The following SYNPR variants were observed in gnomAD, a reference collection of about 807,000 sequenced individuals.
SYNPR encodes synaptoporin.
Under a neutral mutation model 32.9 loss-of-function variants are expected in SYNPR, and 23 were observed. That is an observed-to-expected ratio of 0.70 (90% CI 0.50 to 0.99). The LOEUF (loss-of-function observed/expected upper bound fraction) is 0.99, where lower values mean the gene tolerates loss of function less well. Ranked by LOEUF, SYNPR falls within the 50% of genes least tolerant of loss-of-function variation. The probability of loss-of-function intolerance (pLI) is 0.00; values close to 1 mark genes in which losing one functional copy is unlikely to be tolerated. For synonymous variants in SYNPR, 146 were observed against 135.9 expected, an observed-to-expected ratio of 1.07 and a Z score of -0.52; for missense variants, 318 against 349.3, an observed-to-expected ratio of 0.91 and a Z score of 0.71.
intron 2 of SYNPR, chr3:63,442,978 A>T: frequency 1.0e-6 from 1 of 980,248 alleles, no homozygotes; most frequent in Non-Finnish European, 1.2e-6. Flanking sequence ...CTTTAAAAAA[A>T]TCTCCTAGTT....
At chr3:63,457,520 A>G (rs975631517) in intron 2 of SYNPR, among the ~76,000 whole-genome samples, 2 of 152,144 alleles carry the variant, frequency 1.3e-5, no homozygotes, top group African/African-American at 2.4e-5. Context: ...GCTGAAATAA[A>G]TTAGATCAAA....
chr3:63,253,483 C>A (rs556954077), intron 2 of SYNPR, among the ~76,000 whole-genome samples: 2 of 152,130 alleles, frequency 1.3e-5, no homozygotes, highest in African/African-American at 4.8e-5. Flanking sequence ...ATAAGCCTAA[C>A]TGATTTATAG....
chr3:63,518,515 T>A (rs1282904072), intron 3 of SYNPR, among the ~76,000 whole-genome samples: 2 of 152,056 alleles, frequency 1.3e-5, no homozygotes, highest in Non-Finnish European at 2.9e-5. Flanking sequence ...ATTAGAGTAA[T>A]TTCTCCCTTC....
chr3:63,284,753 G>T (rs187512522), intron 2 of SYNPR, among the ~76,000 whole-genome samples: 1 of 151,988 alleles, frequency 6.6e-6, no homozygotes, highest in Non-Finnish European at 1.5e-5. Flanking sequence ...GAAATGTGTC[G>T]TCATAACATA....
intron 4 of SYNPR, among the ~76,000 whole-genome samples, chr3:63,581,365 A>G (rs567745750): frequency 3.9e-4 from 38 of 97,278 alleles, no homozygotes; most frequent in African/African-American, 1.1e-3. Flanking sequence ...ACACCAAACA[A>G]AAGAAAGTTC....
intron 2 of SYNPR, among the ~76,000 whole-genome samples, chr3:63,322,330 G>A (rs1174033028): frequency 6.6e-6 from 1 of 152,052 alleles, no homozygotes; most frequent in Non-Finnish European, 1.5e-5. Flanking sequence ...TACTGTGCTA[G>A]GCACTTTACT....
At chr3:63,493,057 C>T (rs1259148177) in intron 3 of SYNPR, among the ~76,000 whole-genome samples, 1 of 152,002 alleles carries the variant, frequency 6.6e-6, no homozygotes, top group Non-Finnish European at 1.5e-5. Context: ...CCTTCTATTC[C>T]TGAAAGAAAG....
intron 2 of SYNPR, chr3:63,451,937 A>G: frequency 1.8e-6 from 1 of 566,024 alleles, no homozygotes; most frequent in Non-Finnish European, 3.1e-6. Context: ...CCCTCAGCTC[A>G]CCTCTTCACT....
rs2106913746 is a variant in SYNPR at position 63,616,412 on chromosome 3, G to A, written c.*931G>A. ...TGCAGATATAGATACCATAGTCAAG[G>A]TACCGCCTTGCTGAAGTATTTATTT... On this transcript the variant is annotated 3_prime_UTR_variant, in exon 6 of 6. Transcript: ENST00000478300. 6.6e-6 allele frequency: 1 copy of A among 152,364 alleles called. No homozygotes were observed. The highest frequency in any genetic ancestry group is 6.5e-5 in the Admixed American group (1 of 15,290). 9.4% of individuals were successfully genotyped at this position (152,364 alleles called of 1,614,324 possible).
intron 2 of SYNPR, among the ~76,000 whole-genome samples, chr3:63,419,105 T>C (rs1244756584): frequency 6.6e-6 from 1 of 152,182 alleles, no homozygotes. Context: ...AACAAACTCT[T>C]ATTTATTTGA....
intron 4 of SYNPR, among the ~76,000 whole-genome samples, chr3:63,569,176 T>C (rs1283499297): frequency 6.6e-6 from 1 of 152,200 alleles, no homozygotes; most frequent in Non-Finnish European, 1.5e-5. Flanking sequence ...ACCAATCTCT[T>C]ATTGTTGGAC....
intron 4 of SYNPR, among the ~76,000 whole-genome samples, chr3:63,583,064 G>A (rs186218060): frequency 6.6e-6 from 1 of 152,218 alleles, no homozygotes; most frequent in African/African-American, 2.4e-5. Context: ...GGTAGGCAGT[G>A]GAAAGTTACA....
chr3:63,272,111 C>T (rs1314643049), intron 3 of SYNPR, among the ~76,000 whole-genome samples: 2 of 152,146 alleles, frequency 1.3e-5, no homozygotes, highest in Non-Finnish European at 2.9e-5. Flanking sequence ...AGACCATCTC[C>T]TTTCCATTGC....
At chr3:63,556,775 G>C in intron 4 of SYNPR, 34 bp downstream of exon 4, 1 of 1,561,138 alleles carries the variant, frequency 6.4e-7, no homozygotes. Context: ...AACTTTTTCT[G>C]TTCCTTCTAA....
chr3:63,562,468 A>G (rs2106835571), intron 4 of SYNPR, among the ~76,000 whole-genome samples: 1 of 152,316 alleles, frequency 6.6e-6, no homozygotes, highest in South Asian at 2.1e-4. Flanking sequence ...AGGCTATGTT[A>G]TTCAAACTCT....
At chr3:63,417,509 C>T (rs1287955615) in intron 2 of SYNPR, among the ~76,000 whole-genome samples, 1 of 152,230 alleles carries the variant, frequency 6.6e-6, no homozygotes, top group African/African-American at 2.4e-5. Context: ...TAGGCAGTGG[C>T]CTAGTAGGGA....
In SYNPR at chr3:63,256,944, C is replaced by A. The variant is rs983761350; in HGVS notation, n.154+4358C>A. Among the ~76,000 whole-genome samples the A allele has an allele frequency of 4.6e-5, 7 of 151,994 alleles. No individual in the cohort carries two copies. In the East Asian group the frequency reaches 1.3e-3, roughly 29 times the overall value. On this transcript the variant is annotated intron_variant and non_coding_transcript_variant, in intron 2 of 4. Coordinates refer to the SYNPR transcript ENST00000478456. The stretch of plus-strand genomic sequence containing the variant: ...AATGCACAAGCCTCAGCAGCCAATT[C>A]GATCAACTGGAAGAAAGGGTATCAG...
chr3:63,243,134 T>C (rs34413825), intron 1 of SYNPR, among the ~76,000 whole-genome samples: 261 of 152,118 alleles, frequency 1.7e-3, no homozygotes, highest in Non-Finnish European at 2.0e-3. Context: ...AAAGTGAATA[T>C]ATGATATCTA....
chr3:63,248,062 G>T (rs527401060), intron 1 of SYNPR, among the ~76,000 whole-genome samples: 1 of 152,250 alleles, frequency 6.6e-6, no homozygotes, highest in South Asian at 2.1e-4. Context: ...CCAGGGGAAA[G>T]GTGATGCACA....
Sources: gnomAD v4.1 joint callset for allele counts (sites outside exome capture counted in the v4.1 genomes callset) on GRCh38, gnomAD v4.1.1 for gene constraint, MANE v1.5 for transcripts, NCBI Gene and HGNC (gene_info 2026-07-23, HGNC 2026-07-21) for gene names.